The following SGCZ variants were observed in gnomAD, a reference collection of about 807,000 sequenced individuals.
SGCZ encodes sarcoglycan zeta, also known as zeta-sarcoglycan.
Under a neutral mutation model 41.3 loss-of-function variants are expected in SGCZ, and 40 were observed. That is an observed-to-expected ratio of 0.97 (90% CI 0.75 to 1.26). The LOEUF (loss-of-function observed/expected upper bound fraction) is 1.26. Among genes scored for constraint, SGCZ ranks in the 50% most tolerant of loss-of-function variants. SGCZ has a pLI of 0.00. For missense variants in SGCZ, 552 were observed against 369.8 expected, an observed-to-expected ratio of 1.49 and a Z score of -4.04; for synonymous variants, 206 against 137.5, an observed-to-expected ratio of 1.50 and a Z score of -3.49.
intron 1 of SGCZ, among the ~76,000 whole-genome samples, chr8:15,065,107 T>G (rs2131017658): frequency 6.6e-6 from 1 of 152,242 alleles, no homozygotes; most frequent in South Asian, 2.1e-4. Context: ...CCCCTTGGTC[T>G]CACTTCCTGC....
chr8:14,496,661 T>C (rs1360506188), intron 2 of SGCZ, among the ~76,000 whole-genome samples: 1 of 152,178 alleles, frequency 6.6e-6, no homozygotes, highest in Admixed American at 6.5e-5. Context: ...TGAGACATTA[T>C]CATTATTGTT....
In SGCZ at chr8:14,089,495, G is replaced by T. The variant is rs1249328694; in HGVS notation, c.*948C>A. Among the ~76,000 whole-genome samples, 4 of 151,948 alleles carry T rather than the reference G, an allele frequency of 2.6e-5. No individual in the cohort carries two copies. Among genetic ancestry groups the T allele is most frequent in the African/African-American group, 9.7e-5 (4 of 41,402 alleles). On this transcript the variant is annotated 3_prime_UTR_variant, in exon 8 of 8. Coordinates refer to ENST00000382080, the MANE Select transcript of SGCZ (RefSeq NM_139167.4). ...TTATTTAGAAGATGTTTGAATTTTA[G>T]CAGTCAGAATCAAGTGCAGAGTGAG... is the stretch of plus-strand genomic sequence containing the variant.
At chr8:14,473,605 A>G (rs1035498001) in intron 2 of SGCZ, among the ~76,000 whole-genome samples, 2 of 152,124 alleles carry the variant, frequency 1.3e-5, no homozygotes, top group African/African-American at 2.4e-5. Context: ...AAATTCACAA[A>G]TGAATAGAAC....
chr8:14,727,909 T>C (rs754770881), intron 1 of SGCZ, among the ~76,000 whole-genome samples: 6 of 152,190 alleles, frequency 3.9e-5, no homozygotes, highest in African/African-American at 1.2e-4. Context: ...GAAATATTAC[T>C]AAGCAATTAA....
At chr8:14,249,076 T>C (rs911485376) in intron 3 of SGCZ, among the ~76,000 whole-genome samples, 12 of 152,180 alleles carry the variant, frequency 7.9e-5, no homozygotes. Flanking sequence ...TTTGAGTAGG[T>C]CTGTGAGAGT....
rs140875005 is a variant in SGCZ at position 14,192,801 on chromosome 8, T to G, written c.425-28099A>C. Among the ~76,000 whole-genome samples, 466 of 152,154 alleles carry G rather than the reference T, an allele frequency of 3.1e-3. 2 individuals carry two copies. Among genetic ancestry groups the G allele is most frequent in the African/African-American group, 9.8e-3 (407 of 41,560 alleles). ...GCCACGTTTACATTTAGAATACAAT[T>G]TTCATTTGCAAAATTAAATTATTAT... On this transcript the variant is annotated intron_variant, in intron 4 of 7. Coordinates refer to ENST00000382080, the MANE Select transcript of SGCZ (RefSeq NM_139167.4).
intron 1 of SGCZ, among the ~76,000 whole-genome samples, chr8:15,023,579 T>C (rs1157602042): frequency 1.3e-5 from 2 of 152,192 alleles, no homozygotes; most frequent in African/African-American, 4.8e-5. Flanking sequence ...ACAAAATATG[T>C]ACAGCAATTA....
At chr8:14,946,690 T>C (rs1800460438) in intron 1 of SGCZ, among the ~76,000 whole-genome samples, 1 of 151,486 alleles carries the variant, frequency 6.6e-6, no homozygotes, top group Non-Finnish European at 1.5e-5. Context: ...TTTTTTTTTT[T>C]TTTGAGATCG....
At chr8:15,181,518 CTG>C (rs936539540) in intron 1 of SGCZ, among the ~76,000 whole-genome samples, 5 of 152,086 alleles carry the variant, frequency 3.3e-5, no homozygotes, top group Non-Finnish European at 7.4e-5. Context: ...CAAATTTGTT[CTG>C]TGTGATGATA....
intron 2 of SGCZ, among the ~76,000 whole-genome samples, chr8:14,541,976 C>A (rs3988434): frequency 6.6e-6 from 1 of 152,046 alleles, no homozygotes; most frequent in Non-Finnish European, 1.5e-5. Flanking sequence ...TTTGATGAGG[C>A]TTTTTGTTTT....
intron 2 of SGCZ, among the ~76,000 whole-genome samples, chr8:14,478,979 C>T (rs1324401413): frequency 6.6e-6 from 1 of 152,166 alleles, no homozygotes; most frequent in Non-Finnish European, 1.5e-5. Context: ...TTCTAATGCC[C>T]ACCCCTCTAA....
intron 4 of SGCZ, among the ~76,000 whole-genome samples, chr8:14,220,418 A>G (rs1563193527): frequency 6.6e-6 from 1 of 152,212 alleles, no homozygotes; most frequent in Non-Finnish European, 1.5e-5. Flanking sequence ...TGAGAGTAGT[A>G]ACTGAGAGAA....
intron 1 of SGCZ, among the ~76,000 whole-genome samples, chr8:15,164,892 T>C (rs1197444587): frequency 1.3e-5 from 2 of 152,096 alleles, no homozygotes; most frequent in Non-Finnish European, 2.9e-5. Flanking sequence ...TAAGCTTCTT[T>C]CTGGTTTGAT....
At chr8:14,196,804 A>G (rs1805280211) in intron 4 of SGCZ, among the ~76,000 whole-genome samples, 1 of 152,318 alleles carries the variant, frequency 6.6e-6, no homozygotes, top group African/African-American at 2.4e-5. Flanking sequence ...TTAAAAATTA[A>G]AAGAATGGAA....
intron 2 of SGCZ, among the ~76,000 whole-genome samples, chr8:14,454,964 G>A (rs569799592): frequency 6.6e-6 from 1 of 152,160 alleles, no homozygotes; most frequent in Non-Finnish European, 1.5e-5. Flanking sequence ...TGAAGTTGGT[G>A]TAGGAAAAGT....
At chr8:14,275,306 C>G (rs188958587) in intron 3 of SGCZ, among the ~76,000 whole-genome samples, 1 of 152,256 alleles carries the variant, frequency 6.6e-6, no homozygotes, top group East Asian at 1.9e-4. Context: ...CTTCCCTATC[C>G]CTTTTGATAA....
intron 3 of SGCZ, among the ~76,000 whole-genome samples, chr8:14,290,277 G>C (rs1274677322): frequency 6.6e-6 from 1 of 151,952 alleles, no homozygotes; most frequent in Non-Finnish European, 1.5e-5. Context: ...CATTGGTCTA[G>C]GCAAGGATCT....
At chr8:14,448,502 T>C (rs1395652402) in intron 2 of SGCZ, among the ~76,000 whole-genome samples, 2 of 152,176 alleles carry the variant, frequency 1.3e-5, no homozygotes, top group African/African-American at 4.8e-5. Flanking sequence ...AGGATAGTGA[T>C]ATTACTTTTG....
At chr8:14,780,401 G>C (rs569506771) in intron 1 of SGCZ, among the ~76,000 whole-genome samples, 12 of 147,706 alleles carry the variant, frequency 8.1e-5, no homozygotes, top group African/African-American at 2.7e-4. Flanking sequence ...GAAAAGAAAA[G>C]AAAACAAAAA....
Sources: gnomAD v4.1 joint callset for allele counts (sites outside exome capture counted in the v4.1 genomes callset) on GRCh38, gnomAD v4.1.1 for gene constraint, MANE v1.5 for transcripts, NCBI Gene and HGNC (gene_info 2026-07-23, HGNC 2026-07-21) for gene names.